TNFRSF6B: variants seen among roughly 807,000 people sequenced by gnomAD.
TNFRSF6B encodes TNF receptor superfamily member 6b.
In TNFRSF6B, 23 loss-of-function variants were observed where a neutral mutation model predicts 17.9. That is an observed-to-expected ratio of 1.28 (90% CI 0.92 to 1.82). The LOEUF (loss-of-function observed/expected upper bound fraction) is 1.82, where lower values mean the gene tolerates loss of function less well. Among genes scored for constraint, TNFRSF6B ranks in the 40% most tolerant of loss-of-function variants. The probability of loss-of-function intolerance (pLI) is 0.00; values close to 1 mark genes in which losing one functional copy is unlikely to be tolerated. For synonymous variants in TNFRSF6B, 291 were observed against 195.8 expected (o/e 1.49, Z -4.06); for missense variants, 555 against 437.2 (o/e 1.27, Z -2.40).
rs773781449 is a variant in TNFRSF6B at position 63,697,053 on chromosome 20, G to A, written c.286G>A (p.Gly96Arg). Residue 96 changes from glycine to arginine, a missense_variant, in exon 1 of 3, where the codon GGG becomes AGG. Coordinates refer to ENST00000369996, the MANE Select transcript of TNFRSF6B (RefSeq NM_003823.4). ...ERCRYCNVLC[G>R]EREEEARACH... Reference sequence around the variant, plus strand: ...CTGCCGCTACTGCAACGTCCTCTGCGGGGAGCGTGAGGAGGAGGCACGGGC... The same window carrying A: ...CTGCCGCTACTGCAACGTCCTCTGCAGGGAGCGTGAGGAGGAGGCACGGGC... The A allele has an allele frequency of 8.1e-6, 13 of 1,607,040 alleles. No homozygotes were observed. Among genetic ancestry groups the A allele is most frequent in the African/African-American group, 2.7e-5 (2 of 74,882 alleles).
rs1343467616 is a variant in TNFRSF6B at position 63,696,828 on chromosome 20, C to G, written c.61C>G (p.Leu21Val). ...GTGCCTGGTGTTGGCGCTGCCTGCCCTGCTGCCGGTGCCGGCTGTACGCGG... is the reference window on the plus strand; with the variant it reads ...GTGCCTGGTGTTGGCGCTGCCTGCCGTGCTGCCGGTGCCGGCTGTACGCGG... ...LLCLVLALPA[L>V]LPVPAVRGVA... is the part of the protein sequence containing the mutation. The change falls in exon 1 of 3, where the codon CTG becomes GTG. Residue 21 changes from leucine (L) to valine (V), a missense_variant. Leu to Val is a conservative substitution (Grantham distance 32, BLOSUM62 1). Transcript: ENST00000369996. 7 of 1,610,372 alleles carry G rather than the reference C, an allele frequency of 4.3e-6. No individual in the cohort carries two copies. The highest frequency in any genetic ancestry group is 5.9e-6 in the Non-Finnish European group (7 of 1,178,998).
intron 2 of TNFRSF6B, 56 bp downstream of exon 2, chr20:63,697,578 C>G (rs1267730120): frequency 1.9e-5 from 28 of 1,465,412 alleles, no homozygotes; most frequent in Non-Finnish European, 2.5e-5. Flanking sequence ...CTTGTGCCCT[C>G]ACTCCTGCCC....
In TNFRSF6B at chr20:63,697,009, T is replaced by G; in HGVS notation, c.242T>G (p.Phe81Cys). ...TGTCCACCGCGCCACTACACGCAGT[T>G]CTGGAACTACCTAGAGCGCTGCCGC... ...GPCPPRHYTQ[F>C]WNYLERCRYC... The change falls in exon 1 of 3, where the codon TTC becomes TGC. Residue 81 changes from phenylalanine to cysteine, a missense_variant. Phe to Cys is a radical substitution (Grantham distance 205, BLOSUM62 -2). Coordinates refer to ENST00000369996, the MANE Select transcript of TNFRSF6B (RefSeq NM_003823.4). 6.2e-7 allele frequency: 1 copy of G among 1,608,546 alleles called. No individual in the cohort carries two copies. Among genetic ancestry groups the G allele is most frequent in the East Asian group, 2.2e-5 (1 of 44,760 alleles).
chr20:63,698,504 G>T lies in TNFRSF6B; in HGVS notation c.844G>T (p.Val282Leu), dbSNP rs769653561. ...GGTGCGGCTGCTGCAGGCGCTGCGCGTGGCCAGGATGCCCGGGCTGGAGCG... is the reference window on the plus strand; with the variant it reads ...GGTGCGGCTGCTGCAGGCGCTGCGCTTGGCCAGGATGCCCGGGCTGGAGCG... ...LLVRLLQALR[V>L]ARMPGLERSV... is the part of the protein sequence containing the mutation. The change falls in exon 3 of 3, where the codon GTG becomes TTG. Residue 282 changes from valine (V) to leucine (L), a missense_variant. Physicochemically the swap from Val to Leu is conservative, Grantham distance 32. Transcript: ENST00000369996. The T allele has an allele frequency of 6.5e-7, 1 of 1,548,110 alleles. No homozygotes were observed. Among genetic ancestry groups the T allele is most frequent in the Admixed American group, 2.1e-5 (1 of 47,224 alleles).
At position 63,697,077 on chromosome 20, in the gene TNFRSF6B, G is replaced by T; in HGVS notation, c.310G>T (p.Ala104Ser). ...LCGEREEEAR[A>S]CHATHNRACR... is the part of the protein sequence containing the mutation. ...CGGGGAGCGTGAGGAGGAGGCACGG[G>T]CTTGCCACGCCACCCACAACCGTGC... The change falls in exon 1 of 3, where the codon GCT becomes TCT. Residue 104 changes from alanine to serine, a missense_variant. Transcript: ENST00000369996. 6.2e-7 allele frequency: 1 copy of T among 1,604,722 alleles called. No individual in the cohort carries two copies.
At position 63,698,596 on chromosome 20, in the gene TNFRSF6B, G is replaced by T. The variant is rs774246438; in HGVS notation, c.*33G>T. On this transcript the variant is annotated 3_prime_UTR_variant, in exon 3 of 3. Coordinates refer to ENST00000369996, the MANE Select transcript of TNFRSF6B (RefSeq NM_003823.4). ...CCCCTCTTATTTATTCTACATCCTT[G>T]GCACCCCACTTGCACTGAAAGAGGC... 6 of 1,458,560 alleles carry T rather than the reference G, an allele frequency of 4.1e-6. No homozygotes were observed. In the Admixed American group the frequency reaches 1.7e-4, roughly 40 times the overall value. The allele number at this position is 1,458,560 out of a possible 1,614,324, so 90.4% of individuals were successfully genotyped here. A position where few individuals can be genotyped will look rare whatever the true frequency, so the allele number is the denominator to read the frequency against.
rs778240359 is a variant in TNFRSF6B at position 63,698,233 on chromosome 20, G to A, written c.620-47G>A. ...AGGGTACCTGGCAGCCCCCGCCAGTGTGTGTGGGTGAAATGATCGGACCGC... is the reference window on the plus strand; with the variant it reads ...AGGGTACCTGGCAGCCCCCGCCAGTATGTGTGGGTGAAATGATCGGACCGC... On this transcript the variant is annotated intron_variant, in intron 2 of 2. Coordinates refer to ENST00000369996, the MANE Select transcript of TNFRSF6B (RefSeq NM_003823.4). 49 of 1,599,850 alleles carry A rather than the reference G, an allele frequency of 3.1e-5. No homozygotes were observed. In the South Asian group the frequency reaches 4.8e-4, roughly 16 times the overall value.
chr20:63,698,405 G>A lies in TNFRSF6B; in HGVS notation c.745G>A (p.Gly249Ser), dbSNP rs2091033129. The A allele has an allele frequency of 6.3e-7, 1 of 1,595,770 alleles. No individual in the cohort carries two copies. The highest frequency in any genetic ancestry group is 8.5e-7 in the Non-Finnish European group (1 of 1,173,312). Residue 249 changes from glycine (G) to serine (S), a missense_variant, in exon 3 of 3, where the codon GGC (glycine) becomes AGC (serine). Transcript: ENST00000369996. ...PEGWGPTPRA[G>S]RAALQLKLRR... ...GGGCTGGGGTCCGACACCAAGGGCG[G>A]GCCGCGCGGCCTTGCAGCTGAAGCT...
chr20:63,697,491 C>T lies in TNFRSF6B; in HGVS notation c.588C>T (p.Cys196=), dbSNP rs200355287. ...CCCATGACACCCTGTGCACCAGCTGCACTGGCTTCCCCCTCAGCACCAGGG... is the reference window on the plus strand; with the variant it reads ...CCCATGACACCCTGTGCACCAGCTGTACTGGCTTCCCCCTCAGCACCAGGG... The part of the protein sequence containing the change: ...SSSHDTLCTS[C]TGFPLSTRVP... Residue 196 remains cysteine, a synonymous_variant, in exon 2 of 3, where the codon TGC becomes TGT. Coordinates refer to ENST00000369996, the MANE Select transcript of TNFRSF6B (RefSeq NM_003823.4). 7.7e-5 allele frequency: 120 copies of T among 1,563,722 alleles called. No individual in the cohort carries two copies. The Admixed American group carries it at 2.2e-3, about 29-fold the overall frequency.
At chr20:63,697,659 G>A (rs2091011718) in intron 2 of TNFRSF6B, 137 bp downstream of exon 2, 2 of 974,928 alleles carry the variant, frequency 2.1e-6, no homozygotes, top group East Asian at 2.8e-5. Context: ...TGAGGGGTCA[G>A]GGGTCCCTCC....
chr20:63,698,096 C>T (rs570733210), intron 2 of TNFRSF6B, among the ~76,000 whole-genome samples, 184 bp from the exon 3 acceptor site: 5 of 152,300 alleles, frequency 3.3e-5, no homozygotes, highest in African/African-American at 4.8e-5. Context: ...GCTCTCTGAC[C>T]GAAGGCTCCT....
chr20:63,697,087 C>T lies in TNFRSF6B; in HGVS notation c.320C>T (p.Ala107Val). Residue 107 changes from alanine (A) to valine (V), a missense_variant, in exon 1 of 3, where the codon GCC becomes GTC. Coordinates refer to ENST00000369996, the MANE Select transcript of TNFRSF6B (RefSeq NM_003823.4). ...EREEEARACH[A>V]THNRACRCRT... ...GAGGAGGAGGCACGGGCTTGCCACG[C>T]CACCCACAACCGTGCCTGCCGCTGC... 6.2e-7 allele frequency: 1 copy of T among 1,601,630 alleles called. No individual in the cohort carries two copies. Among genetic ancestry groups the T allele is most frequent in the Non-Finnish European group, 8.5e-7 (1 of 1,177,506 alleles).
chr20:63,697,276 C>T (rs1284598306), intron 1 of TNFRSF6B, 52 bp from the exon 2 acceptor site: 18 of 1,573,074 alleles, frequency 1.1e-5, no homozygotes, highest in African/African-American at 5.4e-5. Flanking sequence ...AGCCTTGCAC[C>T]CTGAGCTAGG....
chr20:63,697,667 T>C, intron 2 of TNFRSF6B, 145 bp downstream of exon 2: 1 of 880,594 alleles, frequency 1.1e-6, no homozygotes, highest in South Asian at 2.0e-5. Context: ...CAGGGGTCCC[T>C]CCACTAGATC....
Position 63,698,662 on chromosome 20 carries a change from TTTTATAAAGC to T in TNFRSF6B, c.*103_*112del. On this transcript the variant is annotated 3_prime_UTR_variant, in exon 3 of 3. Coordinates refer to ENST00000369996, the MANE Select transcript of TNFRSF6B (RefSeq NM_003823.4). ...AGAAATGAGGTTTCTTAAAGCTTAT[TTTTATAAAGC>T]TTTTTCATAAAACTGGTTGTAGTTG... 1 of 1,304,654 alleles carries T rather than the reference TTTTATAAAGC, an allele frequency of 7.7e-7. No homozygotes were observed. The highest frequency in any genetic ancestry group is 9.9e-7 in the Non-Finnish European group (1 of 1,010,960). 80.8% of individuals were successfully genotyped at this position (1,304,654 alleles called of 1,614,324 possible).
chr20:63,696,791 C>A lies in TNFRSF6B; in HGVS notation c.24C>A (p.Gly8=). The A allele has an allele frequency of 1.9e-6, 3 of 1,602,790 alleles. 1 individual carries two copies. In the African/African-American group the frequency reaches 4.0e-5, roughly 21 times the overall value. Residue 8 remains glycine, a synonymous_variant, in exon 1 of 3, where the codon GGC becomes GGA. Coordinates refer to ENST00000369996, the MANE Select transcript of TNFRSF6B (RefSeq NM_003823.4). MRALEGP[G]LSLLCLVLAL... is the part of the protein sequence containing the mutation. ...CCATGAGGGCGCTGGAGGGGCCAGGCCTGTCGCTGCTGTGCCTGGTGTTGG... is the reference window on the plus strand; with the variant it reads ...CCATGAGGGCGCTGGAGGGGCCAGGACTGTCGCTGCTGTGCCTGGTGTTGG...
At position 63,696,826 on chromosome 20, in the gene TNFRSF6B, C is replaced by T. The variant is rs1400577112; in HGVS notation, c.59C>T (p.Ala20Val). 1.2e-6 allele frequency: 2 copies of T among 1,610,098 alleles called. No individual in the cohort carries two copies. Among genetic ancestry groups the T allele is most frequent in the Non-Finnish European group, 1.7e-6 (2 of 1,178,872 alleles). Residue 20 changes from alanine to valine, a missense_variant, in exon 1 of 3, where the codon GCC becomes GTC. Coordinates refer to ENST00000369996, the MANE Select transcript of TNFRSF6B (RefSeq NM_003823.4). ...CTGTGCCTGGTGTTGGCGCTGCCTGCCCTGCTGCCGGTGCCGGCTGTACGC... is the reference window on the plus strand; with the variant it reads ...CTGTGCCTGGTGTTGGCGCTGCCTGTCCTGCTGCCGGTGCCGGCTGTACGC... ...SLLCLVLALP[A>V]LLPVPAVRGV...
Position 63,698,314 on chromosome 20 carries a change from T to C in TNFRSF6B, c.654T>C (p.Phe218=), listed in dbSNP as rs748004646. 4 of 1,611,042 alleles carry C rather than the reference T, an allele frequency of 2.5e-6. No individual in the cohort carries two copies. The highest frequency in any genetic ancestry group is 2.2e-5 in the South Asian group (2 of 91,054). The part of the protein sequence containing the change: ...AEECERAVID[F]VAFQDISIKR... ...AGTGTGAGCGTGCCGTCATCGACTTTGTGGCTTTCCAGGACATCTCCATCA... is the reference window on the plus strand; with the variant it reads ...AGTGTGAGCGTGCCGTCATCGACTTCGTGGCTTTCCAGGACATCTCCATCA... Residue 218 remains phenylalanine, a synonymous_variant, in exon 3 of 3, where the codon TTT becomes TTC. Coordinates refer to ENST00000369996, the MANE Select transcript of TNFRSF6B (RefSeq NM_003823.4).
At position 63,697,395 on chromosome 20, in the gene TNFRSF6B, C is replaced by A. The variant is rs772854550; in HGVS notation, c.492C>A (p.Ser164Arg). 2 of 1,611,808 alleles carry A rather than the reference C, an allele frequency of 1.2e-6. No individual in the cohort carries two copies. Among genetic ancestry groups the A allele is most frequent in the South Asian group, 1.1e-5 (1 of 90,940 alleles). ...PPGTFSASSS[S>R]SEQCQPHRNC... ...GCACCTTCTCAGCCAGCAGCTCCAG[C>A]TCAGAGCAGTGCCAGCCCCACCGCA... is the stretch of plus-strand genomic sequence containing the variant. The change falls in exon 2 of 3, where the codon AGC becomes AGA. Residue 164 changes from serine to arginine, a missense_variant. Ser to Arg is a moderately radical substitution (Grantham distance 110). Coordinates refer to ENST00000369996, the MANE Select transcript of TNFRSF6B (RefSeq NM_003823.4).
Sources: allele counts gnomAD v4.1 joint callset (sites outside exome capture counted in the v4.1 genomes callset), GRCh38; gene constraint gnomAD v4.1.1; transcripts MANE v1.5; gene names NCBI Gene and HGNC (gene_info 2026-07-23, HGNC 2026-07-21).